CENPC: variants seen among roughly 807,000 people sequenced by gnomAD.
CENPC encodes the protein centromere protein C.
A neutral mutation model predicts 112.1 loss-of-function variants in CENPC; 63 were observed. That is an observed-to-expected ratio of 0.56 (90% CI 0.46 to 0.69). The LOEUF (loss-of-function observed/expected upper bound fraction) is 0.69, where lower values mean the gene tolerates loss of function less well. CENPC is among the 30% of genes least tolerant of loss of function. The pLI is 0.00. For missense variants in CENPC, 1,000 were observed against 1,103.8 expected, an observed-to-expected ratio of 0.91 and a Z score of 1.33; for synonymous variants, 333 against 367.6, an observed-to-expected ratio of 0.91 and a Z score of 1.08.
chr4:67,512,887 C>T (rs889195629), intron 8 of CENPC, among the ~76,000 whole-genome samples: 1 of 151,934 alleles, frequency 6.6e-6, no homozygotes, highest in Non-Finnish European at 1.5e-5. Flanking sequence ...TAAAAGTAGG[C>T]AATTACTGCT....
rs1392326608 is a variant in CENPC at position 67,478,262 on chromosome 4, T to A, written c.2671-3284A>T. Reference sequence around the variant, plus strand: ...CACACAGTCATTAGGTTATCTAAAGTCAAGACAAAGCAAAGAATCTTAAGA... The same window carrying A: ...CACACAGTCATTAGGTTATCTAAAGACAAGACAAAGCAAAGAATCTTAAGA... On this transcript the variant is annotated intron_variant, in intron 17 of 18. Transcript: ENST00000273853. Among the ~76,000 whole-genome samples, 3 of 152,018 alleles carry A rather than the reference T, an allele frequency of 2.0e-5. No homozygotes were observed. The East Asian group carries it at 5.8e-4, about 29-fold the overall frequency.
At position 67,478,659 on chromosome 4, in the gene CENPC, CA is replaced by C. The variant is rs879835765; in HGVS notation, c.2671-3682del. ...ACACACACACACACACACACACACA[CA>C]CACACACCCAAAGTATTCAGGCAAC... On this transcript the variant is annotated intron_variant, in intron 17 of 18. Coordinates refer to ENST00000273853, the MANE Select transcript of CENPC (RefSeq NM_001812.4). Among the ~76,000 whole-genome samples, 967 of 150,954 alleles carry C rather than the reference CA, an allele frequency of 6.4e-3. 3 individuals are homozygous for C. The highest frequency in any genetic ancestry group is 9.2e-3 in the Non-Finnish European group (620 of 67,634).
Position 67,540,961 on chromosome 4 carries a change from T to C in CENPC, c.136+19A>G, listed in dbSNP as rs755084994. ...TCATCCATCTAACCCTTAAATTCCATCTTGAAATGAAGCCTTACTTTTTTC... is the reference window on the plus strand; with the variant it reads ...TCATCCATCTAACCCTTAAATTCCACCTTGAAATGAAGCCTTACTTTTTTC... On this transcript the variant is annotated intron_variant, in intron 3 of 18. Coordinates refer to ENST00000273853, the MANE Select transcript of CENPC (RefSeq NM_001812.4). 4.4e-5 allele frequency: 68 copies of C among 1,559,262 alleles called. No individual in the cohort carries two copies. The South Asian group carries it at 7.2e-4, about 16-fold the overall frequency.
intron 2 of CENPC, among the ~76,000 whole-genome samples, chr4:67,542,807 C>T (rs533409893): frequency 1.3e-5 from 2 of 152,218 alleles, no homozygotes; most frequent in African/African-American, 4.8e-5. Flanking sequence ...CAAAATACCA[C>T]CTACAGGTGC....
intron 9 of CENPC, among the ~76,000 whole-genome samples, chr4:67,511,449 C>T (rs1024454178): frequency 6.6e-6 from 1 of 152,048 alleles, no homozygotes; most frequent in Non-Finnish European, 1.5e-5. Context: ...GGACAATTCT[C>T]CCAAAACAAT....
At position 67,493,009 on chromosome 4, in the gene CENPC, CA is replaced by C; in HGVS notation, c.2291-13del. ...AATCACGAATCCTCCTGAAATTTAACAAAAAAAGTAAAATATACATGGGAAA... is the reference window on the plus strand; with the variant it reads ...AATCACGAATCCTCCTGAAATTTAACAAAAAAGTAAAATATACATGGGAAA... On this transcript the variant is annotated splice_polypyrimidine_tract_variant and intron_variant, in intron 14 of 18. Transcript: ENST00000273853. 4.0e-6 allele frequency: 6 copies of C among 1,503,040 alleles called. No individual in the cohort carries two copies. Among genetic ancestry groups the C allele is most frequent in the Admixed American group, 5.4e-5 (2 of 36,706 alleles). The allele number at this position is 1,503,040 out of a possible 1,614,324, so 93.1% of individuals were successfully genotyped here.
At chr4:67,483,092 G>A (rs1724997708) in intron 17 of CENPC, among the ~76,000 whole-genome samples, 1 of 152,166 alleles carries the variant, frequency 6.6e-6, no homozygotes, top group Admixed American at 6.5e-5. Flanking sequence ...GGACATGTTT[G>A]CTTCCCCTTC....
intron 12 of CENPC, chr4:67,504,929 C>A (rs769107344): frequency 1.4e-5 from 5 of 359,120 alleles, no homozygotes; most frequent in Non-Finnish European, 2.5e-5. Flanking sequence ...GATCACTAAT[C>A]TGCTTCATGT....
In CENPC at chr4:67,514,159, T is replaced by G; in HGVS notation, c.1359A>C (p.Glu453Asp). The G allele has an allele frequency of 8.7e-6, 14 of 1,611,628 alleles. No homozygotes were observed. Among genetic ancestry groups the G allele is most frequent in the Non-Finnish European group, 1.2e-5 (14 of 1,179,010 alleles). Residue 453 changes from glutamate to aspartate, a missense_variant, in exon 8 of 19, where the codon GAA becomes GAC. By Grantham distance (45) the Glu-to-Asp change is conservative. Transcript: ENST00000273853. ...TATTTCTGTCTGAATTTCTTTGAAA[T>G]TCGTCTTGGGTAATATGTGATGTAT... The part of the protein sequence containing the change: ...NIHTSHITQD[E>D]FQRNSDRNME...
At chr4:67,515,464 T>A (rs145198496) in intron 7 of CENPC, among the ~76,000 whole-genome samples, 2 of 150,710 alleles carry the variant, frequency 1.3e-5, no homozygotes, top group East Asian at 3.9e-4. Context: ...AAACTCCATC[T>A]CAGACAGAAA....
chr4:67,500,300 A>C (rs927189133), intron 12 of CENPC, among the ~76,000 whole-genome samples: 1 of 152,200 alleles, frequency 6.6e-6, no homozygotes, highest in African/African-American at 2.4e-5. Context: ...GTATAAATAT[A>C]AATATAGAAA....
chr4:67,481,986 G>A (rs1010502982), intron 17 of CENPC, among the ~76,000 whole-genome samples: 1 of 152,086 alleles, frequency 6.6e-6, no homozygotes, highest in Non-Finnish European at 1.5e-5. Context: ...AGACAACCCA[G>A]AGTGAAAGAA....
intron 17 of CENPC, among the ~76,000 whole-genome samples, chr4:67,475,893 A>G (rs941577864): frequency 1.3e-5 from 2 of 152,180 alleles, no homozygotes; most frequent in Non-Finnish European, 2.9e-5. Flanking sequence ...CCAGCCCAAG[A>G]GTATTAAGCC....
At chr4:67,528,036 A>G (rs1037887287) in intron 5 of CENPC, among the ~76,000 whole-genome samples, 2 of 152,188 alleles carry the variant, frequency 1.3e-5, no homozygotes, top group Non-Finnish European at 2.9e-5. Context: ...CAGATTAAAC[A>G]TAACAAATAA....
At position 67,514,273 on chromosome 4, in the gene CENPC, C is replaced by T. The variant is rs991359706; in HGVS notation, c.1245G>A (p.Arg415=). ...KNAEKPSRSK[R]TIKQKQRRKF... Reference sequence around the variant, plus strand: ...TTCTTCTCTGTTTTTGTTTTATAGTCCTTTTGCTTCTAGATGGTTTTTCTG... The same window carrying T: ...TTCTTCTCTGTTTTTGTTTTATAGTTCTTTTGCTTCTAGATGGTTTTTCTG... The change falls in exon 8 of 19, where the codon AGG becomes AGA. Residue 415 remains arginine, a synonymous_variant. Coordinates refer to ENST00000273853, the MANE Select transcript of CENPC (RefSeq NM_001812.4). The T allele has an allele frequency of 1.2e-6, 2 of 1,610,416 alleles. No homozygotes were observed. Among genetic ancestry groups the T allele is most frequent in the African/African-American group, 2.7e-5 (2 of 74,862 alleles).
chr4:67,516,617 TTATATAATTAGAAAACTC>T (rs893537322), intron 7 of CENPC, among the ~76,000 whole-genome samples: 5 of 151,990 alleles, frequency 3.3e-5, no homozygotes, highest in African/African-American at 9.7e-5. Context: ...TTTCACAAAC[TTATATAATTAGAAAACTC>T]TATAAAAACT....
Position 67,539,869 on chromosome 4 carries a change from C to T in CENPC, c.202G>A (p.Asp68Asn), listed in dbSNP as rs796944769. 8 of 1,536,104 alleles carry T rather than the reference C, an allele frequency of 5.2e-6. No homozygotes were observed. The highest frequency in any genetic ancestry group is 1.8e-4 in the Middle Eastern group (1 of 5,672). ...TTGCTTGGTGACTGAATACAAGTGT[C>T]TTTTATTTTGCGTGTTGAATTAGGC... ...SVPNSTRKIK[D>N]TCIQSPSKEC... is the part of the protein sequence containing the mutation. The change falls in exon 4 of 19, where the codon GAC becomes AAC. Residue 68 changes from aspartate (D) to asparagine (N), a missense_variant. Transcript: ENST00000273853.
At chr4:67,534,756 A>G (rs1484555463) in intron 4 of CENPC, among the ~76,000 whole-genome samples, 4 of 152,184 alleles carry the variant, frequency 2.6e-5, no homozygotes, top group African/African-American at 4.8e-5. Context: ...AGTGACATCC[A>G]CCAGTCTACA....
chr4:67,509,148 G>C, intron 9 of CENPC, 43 bp from the exon 10 acceptor site: 2 of 1,488,030 alleles, frequency 1.3e-6, no homozygotes, highest in South Asian at 2.5e-5. Flanking sequence ...AGTTTGTCCA[G>C]ATGATTTGGC....
Sources: gnomAD v4.1 joint callset for allele counts (sites outside exome capture counted in the v4.1 genomes callset) on GRCh38, gnomAD v4.1.1 for gene constraint, MANE v1.5 for transcripts, NCBI Gene and HGNC (gene_info 2026-07-23, HGNC 2026-07-21) for gene names.